MRPS6: variants seen among roughly 807,000 people sequenced by gnomAD.
MRPS6 encodes the protein small ribosomal subunit protein bS6m.
Under a neutral mutation model 13.1 loss-of-function variants are expected in MRPS6, and 6 were observed. The observed-to-expected ratio is 0.46, with a 90% confidence interval of 0.25 to 0.91. The LOEUF (loss-of-function observed/expected upper bound fraction) is 0.91, where lower values mean the gene tolerates loss of function less well. Among genes scored for constraint, MRPS6 ranks in the 40% least tolerant of loss-of-function variants. MRPS6 has a pLI of 0.18. For synonymous variants in MRPS6, 61 were observed against 56.5 expected (o/e 1.08, Z -0.36); for missense variants, 164 against 155.6 (o/e 1.05, Z -0.29).
At chr21:34,102,144 G>T in intron 1 of MRPS6, 2 of 1,000,146 alleles carry the variant, frequency 2.0e-6, no homozygotes, top group Non-Finnish European at 2.4e-6. Flanking sequence ...GTTTTTGTCA[G>T]ACTGTCCTTT....
intron 1 of MRPS6, among the ~76,000 whole-genome samples, chr21:34,080,448 G>T (rs1285008324): frequency 1.3e-5 from 2 of 151,970 alleles, no homozygotes; most frequent in Admixed American, 6.6e-5. Context: ...TTTCTTTGGT[G>T]CCGGCATCAT....
intron 1 of MRPS6, chr21:34,102,404 A>T: frequency 1.0e-6 from 1 of 1,000,020 alleles, no homozygotes; most frequent in Non-Finnish European, 1.2e-6. Flanking sequence ...AAACTTCTTT[A>T]TAAAAAGAGG....
intron 1 of MRPS6, chr21:34,099,571 T>C (rs1475837877): frequency 1.0e-6 from 1 of 999,900 alleles, no homozygotes; most frequent in Non-Finnish European, 1.2e-6. Context: ...ATCTCTTCCA[T>C]ATCCAGCGTA....
At chr21:34,141,072 T>C (rs939323801) in intron 2 of MRPS6, among the ~76,000 whole-genome samples, 2 of 152,254 alleles carry the variant, frequency 1.3e-5, no homozygotes, top group Non-Finnish European at 2.9e-5. Flanking sequence ...CCTTCCTTGC[T>C]GAATTTGTTC....
chr21:34,108,677 A>G (rs1457049078), intron 1 of MRPS6, among the ~76,000 whole-genome samples: 5 of 152,168 alleles, frequency 3.3e-5, no homozygotes, highest in African/African-American at 1.2e-4. Context: ...CTTAGAATTA[A>G]TTTTTGCATG....
intron 1 of MRPS6, among the ~76,000 whole-genome samples, chr21:34,118,557 C>CTTTCTTTTTTT (rs1556008872): frequency 7.5e-6 from 1 of 133,160 alleles, no homozygotes; most frequent in African/African-American, 2.9e-5. Context: ...TTCTTTCTTT[C>CTTTCTTTTTTT]TTTTTTTTTT....
intron 1 of MRPS6, chr21:34,100,640 G>A: frequency 1.0e-6 from 1 of 1,000,202 alleles, no homozygotes; most frequent in Non-Finnish European, 1.2e-6. Context: ...CCATCACTCT[G>A]TGAAACTTCA....
intron 1 of MRPS6, among the ~76,000 whole-genome samples, chr21:34,090,359 C>G (rs1257431782): frequency 6.6e-6 from 1 of 152,140 alleles, no homozygotes; most frequent in Non-Finnish European, 1.5e-5. Flanking sequence ...ATTTGCTTTC[C>G]TAGAACTTGA....
rs566984002 is a variant in MRPS6, at chr21:34,080,040, ATGT to A, written c.45+6300_45+6302del. Among the ~76,000 whole-genome samples, 32 of 152,186 alleles carry A rather than the reference ATGT, an allele frequency of 2.1e-4. No homozygotes were observed. In the East Asian group the frequency reaches 6.0e-3, roughly 28 times the overall value. Reference sequence around the variant, plus strand: ...CTTCTCTGCCCTAGTTGAACTGCTCATGTTGTTTGTTTCTTCCTTGGACTCTTG... The same window carrying A: ...CTTCTCTGCCCTAGTTGAACTGCTCATGTTTGTTTCTTCCTTGGACTCTTG... On this transcript the variant is annotated intron_variant, in intron 1 of 2. Coordinates refer to ENST00000399312, the MANE Select transcript of MRPS6 (RefSeq NM_032476.4).
At chr21:34,083,876 A>G (rs998078496) in intron 1 of MRPS6, among the ~76,000 whole-genome samples, 4 of 152,220 alleles carry the variant, frequency 2.6e-5, no homozygotes, top group Admixed American at 6.5e-5. Context: ...GGATGGACTC[A>G]TTGGAAACTA....
intron 1 of MRPS6, among the ~76,000 whole-genome samples, chr21:34,092,489 CTA>C (rs1284380293): frequency 1.3e-5 from 2 of 152,176 alleles, no homozygotes. Context: ...TGTTAGGGTA[CTA>C]TTTGGTACCT....
Position 34,131,261 on chromosome 21 carries a change from C to T in MRPS6, c.185+5781C>T, listed in dbSNP as rs370919288. Among the ~76,000 whole-genome samples, 109 of 152,334 alleles carry T rather than the reference C, an allele frequency of 7.2e-4. 2 individuals are homozygous for T. In the South Asian group the frequency reaches 0.015, roughly 21 times the overall value. On this transcript the variant is annotated intron_variant, in intron 2 of 2. Transcript: ENST00000399312. ...GAGTGAGGAGTTGATCGTGAGTCCACGTGCGTTAGGACTTCTGGTCTTGTG... is the reference window on the plus strand; with the variant it reads ...GAGTGAGGAGTTGATCGTGAGTCCATGTGCGTTAGGACTTCTGGTCTTGTG...
At chr21:34,105,985 A>G in intron 1 of MRPS6, 1 of 995,254 alleles carries the variant, frequency 1.0e-6, no homozygotes. Context: ...TGTGTTTTTG[A>G]AAGTGTTATT....
intron 1 of MRPS6, chr21:34,122,425 G>T (rs1203004651): frequency 6.6e-6 from 1 of 152,064 alleles, no homozygotes; most frequent in Non-Finnish European, 1.5e-5. Context: ...GGCCATTCCA[G>T]TAGTCTACAG....
intron 1 of MRPS6, chr21:34,105,720 C>T (rs933115390): frequency 1.8e-5 from 18 of 997,786 alleles, no homozygotes; most frequent in Admixed American, 6.2e-5. Flanking sequence ...AATGGATTTC[C>T]AGTTTACCTT....
intron 1 of MRPS6, among the ~76,000 whole-genome samples, chr21:34,077,385 A>T (rs1989358156): frequency 6.6e-6 from 1 of 152,228 alleles, no homozygotes; most frequent in Admixed American, 6.5e-5. Flanking sequence ...AACGCTAATT[A>T]CGTCTCGTGC....
chr21:34,087,979 G>T (rs750157088), intron 1 of MRPS6, among the ~76,000 whole-genome samples: 2 of 152,222 alleles, frequency 1.3e-5, no homozygotes, highest in African/African-American at 4.8e-5. Context: ...TGAGGATGAA[G>T]TTGCTGTTCT....
chr21:34,122,129 G>C (rs1339322857), intron 1 of MRPS6: 6 of 152,264 alleles, frequency 3.9e-5, no homozygotes, highest in Non-Finnish European at 7.3e-5. Context: ...CCAGGGGTTG[G>C]CCAGATAGTA....
chr21:34,132,412 C>T (rs1197909648), intron 2 of MRPS6, among the ~76,000 whole-genome samples: 1 of 152,226 alleles, frequency 6.6e-6, no homozygotes, highest in Non-Finnish European at 1.5e-5. Context: ...ACCAGCTGTG[C>T]ATGCCGGCTT....
Sources: allele counts gnomAD v4.1 joint callset (sites outside exome capture counted in the v4.1 genomes callset), GRCh38; gene constraint gnomAD v4.1.1; transcripts MANE v1.5; gene names NCBI Gene and HGNC (gene_info 2026-07-23, HGNC 2026-07-21).